GCNT1: variants seen among roughly 807,000 people sequenced by gnomAD.
The protein encoded by GCNT1 is glucosaminyl (N-acetyl) transferase 1.
In GCNT1, 16 loss-of-function variants were observed where a neutral mutation model predicts 26.2. That is an observed-to-expected ratio of 0.61 (90% CI 0.41 to 0.93). GCNT1 has a LOEUF of 0.93. Ranked by LOEUF, GCNT1 falls within the 40% of genes least tolerant of loss-of-function variation. The pLI is 0.00. For missense variants in GCNT1, 477 were observed against 526.7 expected (o/e 0.91, Z 0.92); for synonymous variants, 183 against 190.8 (o/e 0.96, Z 0.34).
At chr9:76,405,464 G>A in the GCNT1 span, among the ~76,000 whole-genome samples, 1 of 152,130 alleles carries the variant, frequency 6.6e-6, no homozygotes, top group African/African-American at 2.4e-5. Context: ...TTTACACAAA[G>A]GAATACCGAC....
chr9:76,442,596 A>G (rs772206925), intron 1 of GCNT1, among the ~76,000 whole-genome samples: 1 of 152,096 alleles, frequency 6.6e-6, no homozygotes, highest in Non-Finnish European at 1.5e-5. Context: ...CAGGAGAACC[A>G]CTTGAACCCG....
chr9:76,449,912 T>C (rs1001049955), intron 1 of GCNT1, among the ~76,000 whole-genome samples: 1 of 151,994 alleles, frequency 6.6e-6, no homozygotes, highest in African/African-American at 2.4e-5. Context: ...GCCTCCCAAG[T>C]AGCTAGAATT....
exon 1 of GCNT1, chr9:76,441,693 G>C (rs1823486172): frequency 1.3e-5 from 2 of 153,044 alleles, no homozygotes; most frequent in African/African-American, 4.8e-5. Context: ...TGTTAAGGAG[G>C]GAGAAGCCGC....
chr9:76,478,548 C>G (rs539005967), intron 2 of GCNT1, among the ~76,000 whole-genome samples: 2 of 152,278 alleles, frequency 1.3e-5, no homozygotes, highest in South Asian at 2.1e-4. Context: ...AGACCCAGAA[C>G]CCACCAGAAG....
chr9:76,399,926 A>G, the GCNT1 span, among the ~76,000 whole-genome samples: 1 of 152,226 alleles, frequency 6.6e-6, no homozygotes, highest in South Asian at 2.1e-4. Context: ...AGCCACAAAA[A>G]GACCTAGAGG....
the GCNT1 span, among the ~76,000 whole-genome samples, chr9:76,400,553 T>C: frequency 6.6e-6 from 1 of 152,216 alleles, no homozygotes; most frequent in Non-Finnish European, 1.5e-5. Context: ...AACTAAACCA[T>C]TGTTCACAGA....
chr9:76,463,073 A>G (rs941166866), intron 2 of GCNT1, among the ~76,000 whole-genome samples: 2 of 152,194 alleles, frequency 1.3e-5, no homozygotes, highest in South Asian at 4.1e-4. Context: ...ATAATGTATG[A>G]TATAATTTAT....
chr9:76,417,197 A>G (rs1396720480), upstream of GCNT1, among the ~76,000 whole-genome samples: 1 of 152,240 alleles, frequency 6.6e-6, no homozygotes, highest in African/African-American at 2.4e-5. Flanking sequence ...CTATGGGTGA[A>G]ATAAATGTAA....
At chr9:76,443,886 AAAGAAAGAAAGAAAGG>A (rs1823521563) in intron 1 of GCNT1, among the ~76,000 whole-genome samples, 21 of 71,956 alleles carry the variant, frequency 2.9e-4, no homozygotes, top group Middle Eastern at 6.4e-3. Flanking sequence ...GGAAAGAAAG[AAAGAAAGAAAGAAAGG>A]AAGAAAGGAA....
chr9:76,441,226 A>G (rs1823480111), upstream of GCNT1, among the ~76,000 whole-genome samples: 1 of 151,872 alleles, frequency 6.6e-6, no homozygotes, highest in Non-Finnish European at 1.5e-5. Context: ...GCTCACTGCA[A>G]CATCCGCCTC....
rs1298593046 is a variant in GCNT1 at position 76,504,242 on chromosome 9, TG to T, written c.*577del. The stretch of plus-strand genomic sequence containing the variant: ...GTATGTCATCTCAGGGAGCTTAAAA[TG>T]GGCTTGATTTAACATTGTTTTTGTG... On this transcript the variant is annotated 3_prime_UTR_variant, in exon 4 of 4. Coordinates refer to ENST00000376730, the MANE Select transcript of GCNT1 (RefSeq NM_001490.5). The T allele has an allele frequency of 5.9e-6, 1 of 168,408 alleles. No homozygotes were observed. The highest frequency in any genetic ancestry group is 2.4e-5 in the African/African-American group (1 of 41,496). The allele number at this position is 168,408 out of a possible 1,614,324, so 10.4% of individuals were successfully genotyped here. A position where few individuals can be genotyped will look rare whatever the true frequency, so the allele number is the denominator to read the frequency against.
At chr9:76,486,791 T>C (rs1824589255) in intron 2 of GCNT1, among the ~76,000 whole-genome samples, 1 of 152,060 alleles carries the variant, frequency 6.6e-6, no homozygotes, top group African/African-American at 2.4e-5. Flanking sequence ...GAAGAAAGAA[T>C]AGGGCTGGGT....
At chr9:76,479,213 G>C (rs1472445216) in intron 2 of GCNT1, among the ~76,000 whole-genome samples, 4 of 152,176 alleles carry the variant, frequency 2.6e-5, no homozygotes, top group African/African-American at 9.7e-5. Flanking sequence ...CTGCATAGTA[G>C]TCTATGGTGT....
chr9:76,480,691 T>A (rs141013289), intron 2 of GCNT1, among the ~76,000 whole-genome samples: 1 of 152,178 alleles, frequency 6.6e-6, no homozygotes, highest in Non-Finnish European at 1.5e-5. Context: ...TTTTCATTAA[T>A]GAGTGAAATG....
At position 76,507,210 on chromosome 9, in the gene GCNT1, A is replaced by G. The variant is rs1450695919; in HGVS notation, c.*3542A>G. Reference sequence around the variant, plus strand: ...TCAAAGTATAATTTCTACTGAATGCATATCACTTGTGCACTGTTGTAAAGC... The same window carrying G: ...TCAAAGTATAATTTCTACTGAATGCGTATCACTTGTGCACTGTTGTAAAGC... On this transcript the variant is annotated 3_prime_UTR_variant, in exon 4 of 4. Coordinates refer to ENST00000376730, the MANE Select transcript of GCNT1 (RefSeq NM_001490.5). 2 of 167,074 alleles carry G rather than the reference A, an allele frequency of 1.2e-5. No individual in the cohort carries two copies. Among genetic ancestry groups the G allele is most frequent in the Non-Finnish European group, 2.9e-5 (2 of 68,112 alleles). The allele number at this position is 167,074 out of a possible 1,614,324, so 10.3% of individuals were successfully genotyped here.
intron 2 of GCNT1, among the ~76,000 whole-genome samples, chr9:76,473,097 A>AG (rs370198701): frequency 1.1e-3 from 164 of 152,210 alleles, no homozygotes; most frequent in African/African-American, 3.8e-3. Flanking sequence ...ATGGGACCAC[A>AG]GACTCCACCC....
intron 2 of GCNT1, among the ~76,000 whole-genome samples, chr9:76,479,636 C>T (rs1419360646): frequency 3.9e-5 from 6 of 152,114 alleles, no homozygotes; most frequent in Admixed American, 3.3e-4. Flanking sequence ...TTTTCATATG[C>T]CTGTTGGCTG....
At chr9:76,443,534 G>A (rs1020373455) in intron 1 of GCNT1, among the ~76,000 whole-genome samples, 21 of 152,202 alleles carry the variant, frequency 1.4e-4, no homozygotes, top group African/African-American at 3.9e-4. Flanking sequence ...GCCTTTAAGC[G>A]GTTTTCCACC....
At chr9:76,394,450 G>C in the GCNT1 span, 1 of 339,994 alleles carries the variant, frequency 2.9e-6, no homozygotes. Context: ...GGGGTGGGGG[G>C]AGGGGGCGGC....
Sources: gnomAD v4.1 joint callset for allele counts (sites outside exome capture counted in the v4.1 genomes callset) on GRCh38, gnomAD v4.1.1 for gene constraint, MANE v1.5 for transcripts, NCBI Gene and HGNC (gene_info 2026-07-23, HGNC 2026-07-21) for gene names.